ZFYVE28: variants seen among roughly 807,000 people sequenced by gnomAD.
The protein encoded by ZFYVE28 is zinc finger FYVE-type containing 28.
Under a neutral mutation model 82.1 loss-of-function variants are expected in ZFYVE28, and 40 were observed. That is an observed-to-expected ratio of 0.49 (90% CI 0.38 to 0.63). The LOEUF (loss-of-function observed/expected upper bound fraction) is 0.63, where lower values mean the gene tolerates loss of function less well. Ranked by LOEUF, ZFYVE28 falls within the 30% of genes least tolerant of loss-of-function variation. The probability of loss-of-function intolerance (pLI) is 0.00; values close to 1 mark genes in which losing one functional copy is unlikely to be tolerated. For missense variants in ZFYVE28, 1,321 were observed against 1,242.1 expected, an observed-to-expected ratio of 1.06 and a Z score of -0.96; for synonymous variants, 612 against 546.1, an observed-to-expected ratio of 1.12 and a Z score of -1.68.
chr4:2,411,096 G>A (rs1328675546), intron 1 of ZFYVE28, among the ~76,000 whole-genome samples: 1 of 152,200 alleles, frequency 6.6e-6, no homozygotes, highest in East Asian at 1.9e-4. Flanking sequence ...CAGGAAGCCG[G>A]TGTAAAATAC....
chr4:2,386,429 G>A (rs1015279810), intron 1 of ZFYVE28, among the ~76,000 whole-genome samples: 1 of 152,274 alleles, frequency 6.6e-6, no homozygotes, highest in African/African-American at 2.4e-5. Context: ...AGGTTGCGGT[G>A]AGCTGAGATC....
At chr4:2,345,464 A>G (rs1723399453) in intron 2 of ZFYVE28, among the ~76,000 whole-genome samples, 1 of 152,064 alleles carries the variant, frequency 6.6e-6, no homozygotes, top group South Asian at 2.1e-4. Context: ...CTCAGATTCA[A>G]TATTTCAGAA....
At chr4:2,305,723 G>A (rs899397011) in intron 7 of ZFYVE28, among the ~76,000 whole-genome samples, 187 bp from the exon 8 acceptor site, 4 of 152,208 alleles carry the variant, frequency 2.6e-5, no homozygotes, top group African/African-American at 7.2e-5. Flanking sequence ...CGGTCTCGCC[G>A]GCCAGGACAA....
chr4:2,383,858 C>T (rs1213667017), intron 1 of ZFYVE28, among the ~76,000 whole-genome samples: 1 of 152,194 alleles, frequency 6.6e-6, no homozygotes, highest in Non-Finnish European at 1.5e-5. Flanking sequence ...GCGTGTGTTA[C>T]AGACACTCGC....
At chr4:2,303,392 C>T (rs1476307418) in intron 8 of ZFYVE28, among the ~76,000 whole-genome samples, 1 of 152,206 alleles carries the variant, frequency 6.6e-6, no homozygotes. Flanking sequence ...CACCTTCATC[C>T]CCATCTGCTG....
chr4:2,407,838 G>A (rs1348324474), intron 1 of ZFYVE28, among the ~76,000 whole-genome samples: 8 of 152,156 alleles, frequency 5.3e-5, no homozygotes, highest in Non-Finnish European at 1.0e-4. Flanking sequence ...CACCTGCCTC[G>A]GCTTCGCAAA....
intron 6 of ZFYVE28, among the ~76,000 whole-genome samples, chr4:2,322,534 C>T (rs946058688): frequency 3.3e-5 from 5 of 152,248 alleles, no homozygotes; most frequent in South Asian, 2.1e-4. Flanking sequence ...GGAGAGAGGA[C>T]GCCCCGCACA....
intron 8 of ZFYVE28, among the ~76,000 whole-genome samples, chr4:2,281,129 G>A (rs1711905977): frequency 6.6e-6 from 1 of 152,204 alleles, no homozygotes. Context: ...GGCGTGGGAG[G>A]GGGAATGGGT....
chr4:2,410,832 T>C (rs1732450510), intron 1 of ZFYVE28, among the ~76,000 whole-genome samples: 3 of 152,178 alleles, frequency 2.0e-5, no homozygotes, highest in African/African-American at 7.2e-5. Context: ...AGGGACCACA[T>C]GTATCTGTTC....
At chr4:2,331,502 A>T (rs1386508304) in intron 6 of ZFYVE28, among the ~76,000 whole-genome samples, 1 of 152,176 alleles carries the variant, frequency 6.6e-6, no homozygotes, top group East Asian at 1.9e-4. Context: ...AAAAAATAAA[A>T]ATAAAAAGTT....
At chr4:2,376,375 A>T (rs1484610975) in intron 1 of ZFYVE28, among the ~76,000 whole-genome samples, 1 of 17,952 alleles carries the variant, frequency 5.6e-5, no homozygotes, top group African/African-American at 1.3e-4. Flanking sequence ...TATCTCTAAA[A>T]AAAAAAAAAA....
At chr4:2,322,217 C>T (rs540938771) in intron 6 of ZFYVE28, among the ~76,000 whole-genome samples, 105 of 151,642 alleles carry the variant, frequency 6.9e-4, no homozygotes, top group Middle Eastern at 3.4e-3. Flanking sequence ...AGGTGGGGAG[C>T]GGCCCCCGGG....
intron 1 of ZFYVE28, among the ~76,000 whole-genome samples, chr4:2,368,267 T>C (rs1727131905): frequency 6.8e-6 from 1 of 147,192 alleles, no homozygotes; most frequent in Non-Finnish European, 1.5e-5. Flanking sequence ...CCAGGTGTGG[T>C]GGTCTGCACC....
chr4:2,339,679 G>A lies in ZFYVE28; in HGVS notation c.319-24C>T. 2 of 1,569,122 alleles carry A rather than the reference G, an allele frequency of 1.3e-6. No individual in the cohort carries two copies. Among genetic ancestry groups the A allele is most frequent in the Non-Finnish European group, 1.7e-6 (2 of 1,158,504 alleles). On this transcript the variant is annotated intron_variant, in intron 3 of 12. Coordinates refer to ENST00000290974, the MANE Select transcript of ZFYVE28 (RefSeq NM_020972.3). This position sits in a 1 kb window ranked among gnomAD's most constrained non-coding sequence, Gnocchi z 5.0. ...CACTGCGGGAGGGGACACACTCAGG[G>A]AGGGGCCCGGGTGAGGGCCAGGCTC... is the stretch of plus-strand genomic sequence containing the variant.
chr4:2,306,423 G>C (rs11722580), intron 7 of ZFYVE28, among the ~76,000 whole-genome samples: 29,444 of 152,150 alleles, frequency 0.19, 3,443 homozygotes, highest in Non-Finnish European at 0.25. Flanking sequence ...ACCCCAACCA[G>C]GCCCCCGGCA....
intron 2 of ZFYVE28, among the ~76,000 whole-genome samples, chr4:2,344,121 G>T (rs1723185136): frequency 6.6e-6 from 1 of 152,206 alleles, no homozygotes; most frequent in South Asian, 2.1e-4. Flanking sequence ...AAAGTTTCAA[G>T]TCATGGAACA....
rs767858245 is a variant in ZFYVE28 at position 2,304,779 on chromosome 4, G to C, written c.1561C>G (p.Pro521Ala). Residue 521 changes from proline (P) to alanine (A), a missense_variant, in exon 8 of 13, where the codon CCC becomes GCC. By Grantham distance (27) the Pro-to-Ala change is conservative. Transcript: ENST00000290974. ...MKLSATVIFN[P>A]KSPTSLDSAV... ...GAGTCCAGGGAAGTGGGCGATTTGG[G>C]GTTGAAGATGACCGTGGCTGAGAGC... 1.2e-6 allele frequency: 2 copies of C among 1,612,670 alleles called. No individual in the cohort carries two copies. Among genetic ancestry groups the C allele is most frequent in the Non-Finnish European group, 1.7e-6 (2 of 1,179,960 alleles).
At chr4:2,358,649 G>A (rs1725684991) in intron 1 of ZFYVE28, among the ~76,000 whole-genome samples, 1 of 152,188 alleles carries the variant, frequency 6.6e-6, no homozygotes. Context: ...CCTGCTCACT[G>A]GTGGGGTGGG....
chr4:2,334,770 A>T (rs1248442621), intron 6 of ZFYVE28, among the ~76,000 whole-genome samples: 1,821 of 6,108 alleles, frequency 0.3, 139 homozygotes, highest in Middle Eastern at 0.5. Flanking sequence ...CCCCCTCCCC[A>T]CTTCCGCCTC....
Sources: gnomAD v4.1 joint callset for allele counts (sites outside exome capture counted in the v4.1 genomes callset) on GRCh38, gnomAD v4.1.1 for gene constraint, Gnocchi (gnomAD v3.1) non-coding constraint, MANE v1.5 for transcripts, NCBI Gene and HGNC (gene_info 2026-07-23, HGNC 2026-07-21) for gene names.